Variants in ATP8B1 observed in about 807,000 individuals in gnomAD.
ATP8B1 encodes the protein phospholipid-transporting ATPase IC.
In ATP8B1, 80 loss-of-function variants were observed where a neutral mutation model predicts 149.9. The observed-to-expected ratio is 0.53, with a 90% CI of 0.45 to 0.64. ATP8B1 has a LOEUF of 0.64. Ranked by LOEUF, ATP8B1 falls within the 30% of genes least tolerant of loss-of-function variation. The probability of loss-of-function intolerance (pLI) is 0.00; values close to 1 mark genes in which losing one functional copy is unlikely to be tolerated. For missense variants in ATP8B1, 1,247 were observed against 1,552.6 expected, an observed-to-expected ratio of 0.80 and a Z score of 3.31; for synonymous variants, 536 against 562.8, an observed-to-expected ratio of 0.95 and a Z score of 0.67.
At chr18:57,667,923 A>G (rs1378629244) in intron 19 of ATP8B1, 1 of 368,964 alleles carries the variant, frequency 2.7e-6, no homozygotes, top group African/African-American at 2.1e-5. Flanking sequence ...TTTCTTGTGG[A>G]AGGCTTACAA....
At chr18:57,672,970 T>A (rs1911349464) in intron 16 of ATP8B1, among the ~76,000 whole-genome samples, 1 of 98,778 alleles carries the variant, frequency 1.0e-5, no homozygotes, top group Non-Finnish European at 2.0e-5. Flanking sequence ...TATATCTACA[T>A]ATATACACAC....
chr18:57,653,101 T>G (rs755741200), intron 24 of ATP8B1, among the ~76,000 whole-genome samples: 7 of 152,206 alleles, frequency 4.6e-5, no homozygotes, highest in Non-Finnish European at 7.3e-5. Context: ...GTTGATGAGT[T>G]AATTATAAAT....
Position 57,704,682 on chromosome 18 carries a change from T to TA in ATP8B1, c.280-15dup. On this transcript the variant is annotated splice_polypyrimidine_tract_variant and intron_variant, in intron 3 of 27. Transcript: ENST00000648908. ...AATTGCATTATTCTGTTGGAAAAAA[T>TA]AAGAGTCATTCTAAATGATGCTGTA... 1 of 1,496,798 alleles carries TA rather than the reference T, an allele frequency of 6.7e-7. No individual in the cohort carries two copies. The allele number at this position is 1,496,798 out of a possible 1,614,324, so 92.7% of individuals were successfully genotyped here.
At chr18:57,709,072 A>G (rs1913563197) in intron 2 of ATP8B1, among the ~76,000 whole-genome samples, 1 of 152,244 alleles carries the variant, frequency 6.6e-6, no homozygotes, top group Non-Finnish European at 1.5e-5. Context: ...ACTCAATTTT[A>G]GAAATCTGAC....
intron 20 of ATP8B1, among the ~76,000 whole-genome samples, chr18:57,663,911 C>T (rs896716244): frequency 3.3e-5 from 5 of 151,518 alleles, no homozygotes; most frequent in African/African-American, 7.3e-5. Flanking sequence ...GGACTACAGA[C>T]GGGCACCACC....
At chr18:57,655,155 TCTA>T in intron 23 of ATP8B1, 36 bp downstream of exon 23, 2 of 1,526,564 alleles carry the variant, frequency 1.3e-6, no homozygotes, top group Non-Finnish European at 1.8e-6. Context: ...ATTTAAGAGC[TCTA>T]CTTAGTAAAT....
At chr18:57,700,276 A>C (rs924984469) in intron 6 of ATP8B1, among the ~76,000 whole-genome samples, 3 of 152,168 alleles carry the variant, frequency 2.0e-5, no homozygotes, top group Non-Finnish European at 4.4e-5. Context: ...ATTGTATACT[A>C]AATTCATTAG....
At chr18:57,751,348 G>A (rs987984414) in intron 1 of ATP8B1, among the ~76,000 whole-genome samples, 3 of 151,414 alleles carry the variant, frequency 2.0e-5, no homozygotes, top group Admixed American at 2.0e-4. Flanking sequence ...ACTAAATTTA[G>A]CAGGGCATGG....
chr18:57,648,500 G>A lies in ATP8B1; in HGVS notation c.3744C>T (p.Thr1248=), dbSNP rs2271771. ...TGGGGGTAAGGGATCAGCTGTCCCC[G>A]GTGCGCCTGTACTCCGCGGTGCCAT... ...VADGTAEYRR[T]GDS The change falls in exon 28 of 28, where the codon ACC becomes ACT. Residue 1248 remains threonine (T), a synonymous_variant. Transcript: ENST00000648908. The A allele has an allele frequency of 6.8e-6, 11 of 1,611,248 alleles. No homozygotes were observed. The highest frequency in any genetic ancestry group is 9.3e-6 in the Non-Finnish European group (11 of 1,179,990).
intron 1 of ATP8B1, among the ~76,000 whole-genome samples, chr18:57,746,561 C>T (rs2079965847): frequency 6.6e-6 from 1 of 150,540 alleles, no homozygotes; most frequent in Admixed American, 6.6e-5. Context: ...ACAACCTCCG[C>T]CTCCCTGGTT....
chr18:57,748,044 A>G (rs1568052539), intron 1 of ATP8B1, among the ~76,000 whole-genome samples: 4 of 152,160 alleles, frequency 2.6e-5, no homozygotes, highest in Admixed American at 1.3e-4. Context: ...AACAGGTCAA[A>G]TATAAGGAGT....
At chr18:57,779,567 A>G (rs2080339731) in intron 1 of ATP8B1, among the ~76,000 whole-genome samples, 1 of 152,212 alleles carries the variant, frequency 6.6e-6, no homozygotes, top group Non-Finnish European at 1.5e-5. Context: ...TTTCTACCTT[A>G]TTTTTAGTAT....
chr18:57,742,618 G>A lies in ATP8B1; in HGVS notation c.-25-10786C>T, dbSNP rs146982280. Among the ~76,000 whole-genome samples, 382 of 152,226 alleles carry A rather than the reference G, an allele frequency of 2.5e-3. 6 individuals carry two copies. Among genetic ancestry groups the A allele is most frequent in the African/African-American group, 8.9e-3 (370 of 41,552 alleles). On this transcript the variant is annotated intron_variant, in intron 1 of 27. Transcript: ENST00000648908. ...AAGCTGAGGCAGGAGGATCATTTGA[G>A]GCCAGGAGTTCAAGACGAGTCTGGG...
intron 1 of ATP8B1, among the ~76,000 whole-genome samples, chr18:57,762,630 A>T (rs1337105174): frequency 6.6e-6 from 1 of 152,220 alleles, no homozygotes; most frequent in Admixed American, 6.6e-5. Context: ...GAGGAGAGCA[A>T]TAGGCTGCTT....
At chr18:57,703,305 C>T (rs559176261) in intron 4 of ATP8B1, among the ~76,000 whole-genome samples, 1 of 152,286 alleles carries the variant, frequency 6.6e-6, no homozygotes, top group South Asian at 2.1e-4. Context: ...CGCAGTGGCT[C>T]ATGCTTGTAA....
intron 1 of ATP8B1, among the ~76,000 whole-genome samples, chr18:57,778,049 GTGA>G (rs925486029): frequency 2.0e-5 from 3 of 152,180 alleles, no homozygotes; most frequent in African/African-American, 7.2e-5. Flanking sequence ...TGACTTTCCA[GTGA>G]TGGTCAACAA....
chr18:57,686,037 C>T (rs1005534579), intron 13 of ATP8B1, among the ~76,000 whole-genome samples: 1 of 152,150 alleles, frequency 6.6e-6, no homozygotes, highest in Non-Finnish European at 1.5e-5. Flanking sequence ...CACTTGAGGT[C>T]AGGGGTTCGA....
chr18:57,745,357 C>T (rs773040767), intron 1 of ATP8B1, among the ~76,000 whole-genome samples: 2 of 151,072 alleles, frequency 1.3e-5, no homozygotes, highest in Non-Finnish European at 3.0e-5. Flanking sequence ...CTGCAACCTC[C>T]GCCTCCCGGG....
chr18:57,779,247 C>T (rs766360372), intron 1 of ATP8B1, among the ~76,000 whole-genome samples: 1 of 151,368 alleles, frequency 6.6e-6, no homozygotes, highest in Non-Finnish European at 1.5e-5. Context: ...CCTGGGAGGT[C>T]GAGGCTACAG....
Sources: gnomAD v4.1 joint callset for allele counts (sites outside exome capture counted in the v4.1 genomes callset) on GRCh38, gnomAD v4.1.1 for gene constraint, MANE v1.5 for transcripts, NCBI Gene and HGNC (gene_info 2026-07-23, HGNC 2026-07-21) for gene names.